Variants in EPB41L4A observed in about 807,000 individuals in gnomAD.
The protein encoded by EPB41L4A is erythrocyte membrane protein band 4.1 like 4A.
A neutral mutation model predicts 108.6 loss-of-function variants in EPB41L4A; 100 were observed. The ratio of observed to expected loss-of-function variants is 0.92; its 90% CI spans 0.78 to 1.09. The LOEUF is 1.09. Ranked by LOEUF, EPB41L4A falls within the 50% of genes least tolerant of loss-of-function variation. The probability of loss-of-function intolerance (pLI) is 0.00; values close to 1 mark genes in which losing one functional copy is unlikely to be tolerated. For missense variants in EPB41L4A, 1,030 were observed against 842.7 expected (o/e 1.22, Z -2.75); for synonymous variants, 319 against 289.0 (o/e 1.10, Z -1.05).
At chr5:112,244,531 A>G (rs986039923) in intron 9 of EPB41L4A, among the ~76,000 whole-genome samples, 5 of 152,194 alleles carry the variant, frequency 3.3e-5, no homozygotes, top group Non-Finnish European at 7.3e-5. Context: ...CATGGACCAC[A>G]GCAGATTTTA....
chr5:112,197,339 C>G (rs976951010), intron 15 of EPB41L4A, among the ~76,000 whole-genome samples: 1 of 152,184 alleles, frequency 6.6e-6, no homozygotes, highest in Non-Finnish European at 1.5e-5. Flanking sequence ...ATTCTGATCT[C>G]TTTAACGTAT....
At chr5:112,263,247 TGA>T (rs1751621514) in intron 6 of EPB41L4A, among the ~76,000 whole-genome samples, 1 of 152,094 alleles carries the variant, frequency 6.6e-6, no homozygotes, top group African/African-American at 2.4e-5. Flanking sequence ...CGAGTGTGTG[TGA>T]GTGTGTGAGA....
chr5:112,269,046 G>C lies in EPB41L4A; in HGVS notation c.336-2716C>G, dbSNP rs1752073465. ...AAGAAACAGGAGCCACATCACATTAGTAACTGCATTCCCAGTATCTAGGGC... is the reference window on the plus strand; with the variant it reads ...AAGAAACAGGAGCCACATCACATTACTAACTGCATTCCCAGTATCTAGGGC... On this transcript the variant is annotated intron_variant, in intron 4 of 22. Coordinates refer to ENST00000261486, the MANE Select transcript of EPB41L4A (RefSeq NM_022140.5). 3.3e-5 allele frequency among the ~76,000 whole-genome samples: 5 copies of C among 152,216 alleles called. No individual in the cohort carries two copies. The South Asian group carries it at 1.0e-3, about 32-fold the overall frequency.
chr5:112,157,005 A>G lies in EPB41L4A; in HGVS notation n.994+1396T>C, dbSNP rs546566963. On this transcript the variant is annotated intron_variant and non_coding_transcript_variant, in intron 12 of 13. Coordinates refer to the EPB41L4A transcript ENST00000507810. ...TCATGGTGTCTGCGTGGTGATATGG[A>G]TGTGGGAGGGCAGGGTATTTGCCCC... 1.2e-3 allele frequency among the ~76,000 whole-genome samples: 187 copies of G among 152,286 alleles called. 1 individual carries two copies. Among genetic ancestry groups the G allele is most frequent in the South Asian group, 4.6e-3 (22 of 4,822 alleles).
At chr5:112,240,841 A>T in intron 9 of EPB41L4A, 31 bp from the exon 10 acceptor site, 1 of 1,356,048 alleles carries the variant, frequency 7.4e-7, no homozygotes, top group Non-Finnish European at 1.0e-6. Flanking sequence ...GAATATGAAT[A>T]ATGACCAGGG....
In EPB41L4A at chr5:112,307,181, A is replaced by G. The variant is rs553162759; in HGVS notation, c.204+205T>C. Among the ~76,000 whole-genome samples, 5 of 152,342 alleles carry G rather than the reference A, an allele frequency of 3.3e-5. No individual in the cohort carries two copies. The South Asian group carries it at 1.0e-3, about 32-fold the overall frequency. ...CATCTGCAAAGACGACTACACATGT[A>G]CAGAAGCTGTGAATCCAGCAACTCT... On this transcript the variant is annotated intron_variant, in intron 2 of 22. Transcript: ENST00000261486.
intron 2 of EPB41L4A, among the ~76,000 whole-genome samples, chr5:112,305,815 A>T (rs1754647597): frequency 6.6e-6 from 1 of 152,198 alleles, no homozygotes; most frequent in Non-Finnish European, 1.5e-5. Context: ...ACATCAAAAC[A>T]ATATGACTTA....
At chr5:112,313,115 G>A (rs1303781994) in intron 1 of EPB41L4A, among the ~76,000 whole-genome samples, 3 of 152,202 alleles carry the variant, frequency 2.0e-5, no homozygotes, top group Non-Finnish European at 4.4e-5. Flanking sequence ...CAGAAGAAAG[G>A]AGGATGATTA....
chr5:112,388,584 T>C (rs6891933), intron 1 of EPB41L4A, among the ~76,000 whole-genome samples: 4,446 of 152,262 alleles, frequency 0.029, 232 homozygotes, highest in African/African-American at 0.1. Flanking sequence ...GTCAGGATTA[T>C]GGATAGACAG....
intron 17 of EPB41L4A, among the ~76,000 whole-genome samples, chr5:112,188,710 C>A (rs574830474): frequency 6.6e-6 from 1 of 152,090 alleles, no homozygotes; most frequent in East Asian, 1.9e-4. Context: ...AAATTTTTAC[C>A]TCGTTTGCAG....
chr5:112,194,542 A>T, intron 17 of EPB41L4A, 26 bp downstream of exon 17: 1 of 1,348,404 alleles, frequency 7.4e-7, no homozygotes, highest in Non-Finnish European at 1.0e-6. Flanking sequence ...TCAGAGTGCC[A>T]GTTAATTATA....
intron 1 of EPB41L4A, among the ~76,000 whole-genome samples, chr5:112,323,131 A>T (rs929300817): frequency 5.3e-5 from 8 of 152,182 alleles, no homozygotes; most frequent in Admixed American, 3.9e-4. Flanking sequence ...GATGTGGAAG[A>T]TGTAACCAGA....
chr5:112,157,935 C>G (rs886097744), downstream of EPB41L4A, among the ~76,000 whole-genome samples: 5 of 152,186 alleles, frequency 3.3e-5, no homozygotes, highest in South Asian at 2.1e-4. Flanking sequence ...GAAGCAGAGA[C>G]TAGGTAGAAA....
intron 12 of EPB41L4A, among the ~76,000 whole-genome samples, chr5:112,232,134 G>A (rs1163290820): frequency 6.7e-5 from 10 of 150,016 alleles, no homozygotes; most frequent in Admixed American, 4.7e-4. Flanking sequence ...AAAAAAGAGA[G>A]AGAGAGAGAG....
rs1551935 is a variant in EPB41L4A, at chr5:112,165,054, G to A, written c.1997C>T (p.Ala666Val). The change falls in exon 23 of 23, where the codon GCT becomes GTT. Residue 666 changes from alanine (A) to valine (V), a missense_variant. Physicochemically the swap from Ala to Val is moderately conservative, Grantham distance 64. Transcript: ENST00000261486. Reference sequence around the variant, plus strand: ...TATTGTTTTTGCTGTGTGTTTTCCAGCCAGGTTGTTTGTAGATGTCTGAGG... The same window carrying A: ...TATTGTTTTTGCTGTGTGTTTTCCAACCAGGTTGTTTGTAGATGTCTGAGG... ...EKPQTSTNNL[A>V]GKHTAKTIKT... 6.0e-4 allele frequency: 965 copies of A among 1,613,886 alleles called. 3 individuals carry two copies. In the African/African-American group the frequency reaches 0.01, roughly 17 times the overall value.
intron 1 of EPB41L4A, among the ~76,000 whole-genome samples, chr5:112,385,831 A>G (rs1166465737): frequency 6.6e-6 from 1 of 152,230 alleles, no homozygotes; most frequent in Admixed American, 6.5e-5. Context: ...TCAGTCTCAC[A>G]AGCTCCTAGT....
chr5:112,378,397 G>A (rs949198614), intron 1 of EPB41L4A, among the ~76,000 whole-genome samples: 20 of 152,050 alleles, frequency 1.3e-4, no homozygotes, highest in African/African-American at 3.6e-4. Flanking sequence ...TTTTCTATCC[G>A]TCAGAATTCA....
intron 17 of EPB41L4A, among the ~76,000 whole-genome samples, chr5:112,189,607 C>T (rs1244728280): frequency 6.6e-6 from 1 of 152,134 alleles, no homozygotes; most frequent in Non-Finnish European, 1.5e-5. Context: ...TCTACTATTA[C>T]CCTAAGCTGC....
chr5:112,154,423 C>T (rs138022667), intron 12 of EPB41L4A, among the ~76,000 whole-genome samples: 1 of 152,154 alleles, frequency 6.6e-6, no homozygotes, highest in South Asian at 2.1e-4. Flanking sequence ...AATTGTTCAG[C>T]ATTTTGATAT....
Sources: gnomAD v4.1 joint callset for allele counts (sites outside exome capture counted in the v4.1 genomes callset) on GRCh38, gnomAD v4.1.1 for gene constraint, MANE v1.5 for transcripts, NCBI Gene and HGNC (gene_info 2026-07-23, HGNC 2026-07-21) for gene names.